Variants in DCLK1 observed in about 807,000 individuals in gnomAD.
DCLK1 encodes serine/threonine-protein kinase DCLK1.
In DCLK1, 16 loss-of-function variants were observed where a neutral mutation model predicts 86.2. The ratio of observed to expected loss-of-function variants is 0.19; its 90% confidence interval spans 0.13 to 0.28. DCLK1 has a LOEUF of 0.28. Among genes scored for constraint, DCLK1 ranks in the 10% least tolerant of loss-of-function variants. The pLI, the probability that DCLK1 is intolerant of heterozygous loss-of-function variation, is 1.00. For synonymous variants in DCLK1, 369 were observed against 370.5 expected (o/e 1.00, Z 0.05); for missense variants, 590 against 940.2 (o/e 0.63, Z 4.87).
chr13:35,914,331 AAAT>A (rs1214309220), intron 4 of DCLK1, among the ~76,000 whole-genome samples: 3,292 of 12,282 alleles, frequency 0.27, 71 homozygotes, highest in East Asian at 0.4. Context: ...GAAAAAAAAA[AAAT>A]ATATATATAT....
intron 5 of DCLK1, chr13:35,868,993 A>C: frequency 2.4e-6 from 1 of 416,430 alleles, no homozygotes; most frequent in South Asian, 1.7e-5. Flanking sequence ...GTTTCACTAC[A>C]TTGGCCAGGC....
At chr13:36,072,021 G>T (rs1293731543) in intron 3 of DCLK1, among the ~76,000 whole-genome samples, 1 of 152,160 alleles carries the variant, frequency 6.6e-6, no homozygotes, top group Non-Finnish European at 1.5e-5. Flanking sequence ...TCAAATATCA[G>T]ATTGAAGCCA....
intron 5 of DCLK1, among the ~76,000 whole-genome samples, chr13:35,859,130 A>AT (rs1871244784): frequency 6.6e-6 from 1 of 152,144 alleles, no homozygotes; most frequent in East Asian, 1.9e-4. Context: ...AAATGGCATT[A>AT]TTTTTTCAGA....
At chr13:36,045,053 T>C (rs1882827836) in intron 3 of DCLK1, among the ~76,000 whole-genome samples, 1 of 151,528 alleles carries the variant, frequency 6.6e-6, no homozygotes, top group Admixed American at 6.6e-5. Flanking sequence ...AATAATATTC[T>C]ATTTCTTAAT....
At chr13:35,861,288 A>G (rs1871365800) in intron 5 of DCLK1, among the ~76,000 whole-genome samples, 2 of 152,346 alleles carry the variant, frequency 1.3e-5, no homozygotes, top group African/African-American at 4.8e-5. Flanking sequence ...GAGTCCTGTG[A>G]TGTAAAATTA....
chr13:36,005,583 C>T (rs1593809442), intron 3 of DCLK1, among the ~76,000 whole-genome samples: 1 of 152,294 alleles, frequency 6.6e-6, no homozygotes, highest in Non-Finnish European at 1.5e-5. Flanking sequence ...CTCTGGAAAA[C>T]ACTAGAAAAG....
At chr13:36,078,680 T>G (rs1192186391) in intron 3 of DCLK1, among the ~76,000 whole-genome samples, 5 of 152,240 alleles carry the variant, frequency 3.3e-5, no homozygotes, top group Non-Finnish European at 7.3e-5. Context: ...AGTTGCAGTC[T>G]AAGTGCAGAT....
chr13:36,105,807 T>G (rs1885372714), intron 3 of DCLK1, among the ~76,000 whole-genome samples: 1 of 152,202 alleles, frequency 6.6e-6, no homozygotes, highest in South Asian at 2.1e-4. Flanking sequence ...AGCTGAATTT[T>G]TTTGTTTGTT....
chr13:35,829,744 C>T (rs1476051284), intron 8 of DCLK1, among the ~76,000 whole-genome samples: 1 of 152,194 alleles, frequency 6.6e-6, no homozygotes, highest in Non-Finnish European at 1.5e-5. Flanking sequence ...TTCGAAGCCT[C>T]TTTTCCTCAC....
intron 3 of DCLK1, among the ~76,000 whole-genome samples, chr13:35,963,998 G>C (rs1202126579): frequency 6.6e-6 from 1 of 152,152 alleles, no homozygotes; most frequent in Non-Finnish European, 1.5e-5. Context: ...TTTCTTTTTA[G>C]ATAGAAAAAT....
At chr13:35,783,191 C>T (rs1254071964) in intron 16 of DCLK1, among the ~76,000 whole-genome samples, 1 of 152,212 alleles carries the variant, frequency 6.6e-6, no homozygotes, top group Non-Finnish European at 1.5e-5. Context: ...CTAATCAGAG[C>T]ATTAAAACAG....
At chr13:35,870,055 T>C (rs939515916) in intron 5 of DCLK1, among the ~76,000 whole-genome samples, 1 of 152,166 alleles carries the variant, frequency 6.6e-6, no homozygotes, top group African/African-American at 2.4e-5. Context: ...AGCAGTGTCA[T>C]ACTAAGGGAG....
intron 3 of DCLK1, among the ~76,000 whole-genome samples, chr13:36,079,219 C>G (rs1480678584): frequency 6.6e-6 from 1 of 152,120 alleles, no homozygotes; most frequent in Non-Finnish European, 1.5e-5. Flanking sequence ...GGAGGCTGAT[C>G]CAGCAGCTCA....
intron 16 of DCLK1, among the ~76,000 whole-genome samples, chr13:35,779,321 C>CAT (rs1260932144): frequency 1.3e-5 from 2 of 152,130 alleles, no homozygotes; most frequent in African/African-American, 4.8e-5. Context: ...CCACCTGTAC[C>CAT]ATATATTTTC....
At chr13:36,090,633 T>C (rs187687671) in intron 3 of DCLK1, among the ~76,000 whole-genome samples, 1 of 152,140 alleles carries the variant, frequency 6.6e-6, no homozygotes, top group Admixed American at 6.5e-5. Context: ...CTAGGGAACT[T>C]CTGCAAGGGT....
chr13:35,941,578 CAT>C (rs1375082874), intron 4 of DCLK1, among the ~76,000 whole-genome samples: 1 of 152,062 alleles, frequency 6.6e-6, no homozygotes, highest in Non-Finnish European at 1.5e-5. Flanking sequence ...CACAGGCACA[CAT>C]ACACGTGCAC....
At chr13:36,044,091 A>G (rs1882789768) in intron 3 of DCLK1, among the ~76,000 whole-genome samples, 1 of 152,132 alleles carries the variant, frequency 6.6e-6, no homozygotes, top group Non-Finnish European at 1.5e-5. Flanking sequence ...ATGAGTTCAC[A>G]TGCAATATGG....
intron 6 of DCLK1, chr13:35,847,565 T>C: frequency 2.1e-6 from 2 of 971,866 alleles, no homozygotes; most frequent in Non-Finnish European, 2.4e-6. Context: ...TTATTCTATA[T>C]ATTCATTCAC....
Position 35,854,559 on chromosome 13 carries a change from C to T in DCLK1, c.975G>A (p.Pro325=), listed in dbSNP as rs151019237. ...NGTPGSQLST[P]RSGKSPSPSP... Reference sequence around the variant, plus strand: ...ATGGGCTTGGCGACTTGCCTGAGCGCGGAGTAGAGAGCTGACTACCAGGGG... The same window carrying T: ...ATGGGCTTGGCGACTTGCCTGAGCGTGGAGTAGAGAGCTGACTACCAGGGG... The change falls in exon 6 of 17, where the codon CCG becomes CCA. Residue 325 remains proline (P), a synonymous_variant. Coordinates refer to ENST00000360631, the MANE Select transcript of DCLK1 (RefSeq NM_001330071.2). 4.2e-5 allele frequency: 67 copies of T among 1,603,388 alleles called. No homozygotes were observed. Among genetic ancestry groups the T allele is most frequent in the East Asian group, 2.0e-4 (9 of 44,206 alleles).
Sources: gnomAD v4.1 joint callset for allele counts (sites outside exome capture counted in the v4.1 genomes callset) on GRCh38, gnomAD v4.1.1 for gene constraint, MANE v1.5 for transcripts, NCBI Gene and HGNC (gene_info 2026-07-23, HGNC 2026-07-21) for gene names.